The following APOLD1 variants were observed in gnomAD, a reference collection of about 807,000 sequenced individuals.
APOLD1 encodes apolipoprotein L domain containing 1, also known as apolipoprotein L domain-containing protein 1.
In APOLD1, 22 loss-of-function variants were observed where a neutral mutation model predicts 15.3. That is an observed-to-expected ratio of 1.44 (90% confidence interval 1.03 to 2.05). The LOEUF (loss-of-function observed/expected upper bound fraction) is 2.05. APOLD1 is among the 30% of genes most tolerant of loss of function. The pLI, the probability that APOLD1 is intolerant of heterozygous loss-of-function variation, is 0.00. For missense variants in APOLD1, 394 were observed against 353.5 expected, an observed-to-expected ratio of 1.11 and a Z score of -0.92; for synonymous variants, 190 against 167.4, an observed-to-expected ratio of 1.13 and a Z score of -1.04.
At chr12:12,750,088 G>A (rs1946798495) in intron 1 of APOLD1, among the ~76,000 whole-genome samples, 1 of 152,130 alleles carries the variant, frequency 6.6e-6, no homozygotes, top group Non-Finnish European at 1.5e-5. Flanking sequence ...AATTGGGAAA[G>A]ATGGCCGGGC....
chr12:12,744,384 A>G (rs939898155), intron 1 of APOLD1, among the ~76,000 whole-genome samples: 1 of 151,312 alleles, frequency 6.6e-6, no homozygotes, highest in Non-Finnish European at 1.5e-5. Context: ...TGAGGTGGGC[A>G]GATCACCTGA....
intron 1 of APOLD1, among the ~76,000 whole-genome samples, chr12:12,770,784 A>AT (rs1284025942): frequency 6.6e-6 from 1 of 151,498 alleles, no homozygotes; most frequent in East Asian, 1.9e-4. Flanking sequence ...ACATGTTAAA[A>AT]AAAAAAAAAA....
chr12:12,728,524 C>G (rs1565423677), intron 1 of APOLD1, among the ~76,000 whole-genome samples: 1 of 151,560 alleles, frequency 6.6e-6, no homozygotes, highest in African/African-American at 2.4e-5. Context: ...AAAAATTTAA[C>G]CAGGTGTGGT....
intron 1 of APOLD1, among the ~76,000 whole-genome samples, chr12:12,767,584 C>T (rs1182686899): frequency 6.6e-6 from 1 of 151,686 alleles, no homozygotes; most frequent in Non-Finnish European, 1.5e-5. Context: ...TTGCTTGAAC[C>T]CGGGAGGCGG....
chr12:12,746,824 GTCTAT>G (rs1313581169), intron 1 of APOLD1, among the ~76,000 whole-genome samples: 1 of 151,930 alleles, frequency 6.6e-6, no homozygotes, highest in East Asian at 1.9e-4. Flanking sequence ...AGTGCCCAGT[GTCTAT>G]TCTTATTTTT....
At chr12:12,780,238 AT>A (rs917981608) in intron 1 of APOLD1, among the ~76,000 whole-genome samples, 1 of 129,220 alleles carries the variant, frequency 7.7e-6, no homozygotes, top group Non-Finnish European at 1.7e-5. Context: ...ATGTGTTATT[AT>A]TTTAATTTGC....
rs557052910 is a variant in APOLD1 at position 12,726,216 on chromosome 12, C to G, written c.96+120C>G. The G allele has an allele frequency of 2.0e-3, 1,507 of 735,862 alleles. 5 individuals are homozygous for G. The highest frequency in any genetic ancestry group is 5.4e-3 in the Admixed American group (179 of 32,948). 45.6% of individuals were successfully genotyped at this position (735,862 alleles called of 1,614,324 possible). ...AGGAAAAATGTGTTATTTCAACCGC[C>G]ACTCAGAACCCATCATAATTCAGCC... is the stretch of plus-strand genomic sequence containing the variant. On this transcript the variant is annotated intron_variant, in intron 1 of 1. Transcript: ENST00000326765.
chr12:12,777,765 G>C (rs115749203), intron 1 of APOLD1, among the ~76,000 whole-genome samples: 1,589 of 152,030 alleles, frequency 0.01, 30 homozygotes, highest in African/African-American at 0.036. Flanking sequence ...GAAATTCAAC[G>C]TCTCAACCTG....
intron 1 of APOLD1, among the ~76,000 whole-genome samples, chr12:12,729,016 T>C (rs1946616550): frequency 6.6e-6 from 1 of 152,208 alleles, no homozygotes; most frequent in Admixed American, 6.5e-5. Context: ...TCCTGTTTCG[T>C]TCCTTTGTTG....
intron 1 of APOLD1, among the ~76,000 whole-genome samples, chr12:12,730,872 T>G (rs886157292): frequency 4.6e-5 from 7 of 152,222 alleles, no homozygotes; most frequent in African/African-American, 1.7e-4. Flanking sequence ...CCAGGCACAG[T>G]GGCTCACGCC....
intron 1 of APOLD1, among the ~76,000 whole-genome samples, chr12:12,770,685 T>C (rs941991462): frequency 6.6e-6 from 1 of 150,756 alleles, no homozygotes; most frequent in African/African-American, 2.4e-5. Flanking sequence ...AGAATAAATA[T>C]TTGAAACAAT....
At chr12:12,743,680 C>G (rs1307850624) in intron 1 of APOLD1, among the ~76,000 whole-genome samples, 1 of 152,154 alleles carries the variant, frequency 6.6e-6, no homozygotes, top group Non-Finnish European at 1.5e-5. Context: ...ATTAAGGTTG[C>G]AAATGGAATT....
intron 1 of APOLD1, among the ~76,000 whole-genome samples, chr12:12,779,107 G>A (rs1418618455): frequency 6.6e-6 from 1 of 152,030 alleles, no homozygotes; most frequent in African/African-American, 2.4e-5. Context: ...TGTCCAGACT[G>A]CCCTCCTCTC....
At chr12:12,743,072 C>T (rs1433184904) in intron 1 of APOLD1, among the ~76,000 whole-genome samples, 3 of 152,214 alleles carry the variant, frequency 2.0e-5, no homozygotes, top group South Asian at 2.1e-4. Context: ...GCTTTATCTT[C>T]GTTAATCTTG....
At chr12:12,774,086 T>C (rs1947009261) in intron 1 of APOLD1, among the ~76,000 whole-genome samples, 1 of 152,128 alleles carries the variant, frequency 6.6e-6, no homozygotes, top group African/African-American at 2.4e-5. Context: ...AAAGAATTGG[T>C]AAACTGGACT....
rs529271818 is a variant in APOLD1 at position 12,726,876 on chromosome 12, A to G, written c.96+780A>G. ...AGGAACCCACCTAACCAGGGTGGAC[A>G]CTATAAGAAAACATGTGTTTTAATG... is the stretch of plus-strand genomic sequence containing the variant. On this transcript the variant is annotated intron_variant, in intron 1 of 1. Transcript: ENST00000326765. 6.6e-5 allele frequency among the ~76,000 whole-genome samples: 10 copies of G among 152,358 alleles called. No homozygotes were observed. The South Asian group carries it at 1.9e-3, about 28-fold the overall frequency.
chr12:12,762,095 A>G (rs1239043750), intron 1 of APOLD1, among the ~76,000 whole-genome samples: 2 of 152,044 alleles, frequency 1.3e-5, no homozygotes. Context: ...TTACTTACAG[A>G]GGTTAGGTGC....
chr12:12,733,077 A>G (rs1946654723), intron 1 of APOLD1, among the ~76,000 whole-genome samples: 1 of 151,658 alleles, frequency 6.6e-6, no homozygotes, highest in Non-Finnish European at 1.5e-5. Flanking sequence ...ACTTTGGGAG[A>G]CCGAGAGAGG....
intron 1 of APOLD1, chr12:12,786,560 G>A (rs1034705347): frequency 3.1e-6 from 2 of 654,162 alleles, no homozygotes; most frequent in Middle Eastern, 7.8e-4. Flanking sequence ...AAAGGCCTCA[G>A]TACTGGAGAA....
Sources: allele counts gnomAD v4.1 joint callset (sites outside exome capture counted in the v4.1 genomes callset), GRCh38; gene constraint gnomAD v4.1.1; transcripts MANE v1.5; gene names NCBI Gene and HGNC (gene_info 2026-07-23, HGNC 2026-07-21).